The following ATP11B variants were observed in gnomAD, a reference collection of about 807,000 sequenced individuals.
The protein encoded by ATP11B is ATPase phospholipid transporting 11B (putative), also known as phospholipid-transporting ATPase IF.
A neutral mutation model predicts 157.8 loss-of-function variants in ATP11B; 81 were observed. The ratio of observed to expected loss-of-function variants is 0.51; its 90% CI spans 0.43 to 0.62. ATP11B has a LOEUF of 0.62. ATP11B is among the 20% of genes least tolerant of loss of function. The pLI is 0.00. For missense variants in ATP11B, 1,165 were observed against 1,402.2 expected (o/e 0.83, Z 2.70); for synonymous variants, 451 against 469.4 (o/e 0.96, Z 0.51).
chr3:182,796,519 C>A (rs1320091106), intron 1 of ATP11B, among the ~76,000 whole-genome samples: 1 of 152,158 alleles, frequency 6.6e-6, no homozygotes, highest in Non-Finnish European at 1.5e-5. Context: ...CTGCCATTGG[C>A]TGCCATATTG....
chr3:182,907,884 G>T (rs1699306052), intron 28 of ATP11B, among the ~76,000 whole-genome samples: 1 of 152,240 alleles, frequency 6.6e-6, no homozygotes, highest in East Asian at 1.9e-4. Context: ...CTGAGAATTG[G>T]GTTCTTAGAA....
rs912996472 is a variant in ATP11B, at chr3:182,855,602, G to C, written c.852-2276G>C. On this transcript the variant is annotated intron_variant, in intron 10 of 29. Coordinates refer to ENST00000323116, the MANE Select transcript of ATP11B (RefSeq NM_014616.3). ...AGGATGAAAAGACAAGCTACAGACTGGGGAAAAATACTTGCAAACCACAAA... is the reference window on the plus strand; with the variant it reads ...AGGATGAAAAGACAAGCTACAGACTCGGGAAAAATACTTGCAAACCACAAA... Among the ~76,000 whole-genome samples, 6 of 152,216 alleles carry C rather than the reference G, an allele frequency of 3.9e-5. 1 individual carries two copies. Among genetic ancestry groups the C allele is most frequent in the Admixed American group, 6.5e-5 (1 of 15,278 alleles).
In ATP11B at chr3:182,866,334, C is replaced by G; in HGVS notation, c.1510C>G (p.Gln504Glu). The G allele has an allele frequency of 2.5e-6, 4 of 1,613,794 alleles. No individual in the cohort carries two copies. The highest frequency in any genetic ancestry group is 3.4e-6 in the Non-Finnish European group (4 of 1,179,778). ...LCHTVQISNVQTDCTGDGPWQ... is the reference protein window; with the variant it reads ...LCHTVQISNVETDCTGDGPWQ... Reference sequence around the variant, plus strand: ...TCACACTGTACAGATTAGCAATGTTCAAACTGACTGCACTGGTGATGGTCC... The same window carrying G: ...TCACACTGTACAGATTAGCAATGTTGAAACTGACTGCACTGGTGATGGTCC... Residue 504 changes from glutamine (Q) to glutamate (E), a missense_variant, in exon 14 of 30, where the codon CAA becomes GAA. Transcript: ENST00000323116.
intron 12 of ATP11B, among the ~76,000 whole-genome samples, chr3:182,861,240 T>G (rs901950250): frequency 1.3e-4 from 19 of 151,996 alleles, no homozygotes; most frequent in Admixed American, 9.2e-4. Context: ...TAATTTTGTA[T>G]TTTTAGTAGA....
Position 182,866,321 on chromosome 3 carries a change from G to T in ATP11B, c.1497G>T (p.Gln499His). 1 of 1,613,790 alleles carries T rather than the reference G, an allele frequency of 6.2e-7. No individual in the cohort carries two copies. Among genetic ancestry groups the T allele is most frequent in the Non-Finnish European group, 8.5e-7 (1 of 1,179,786 alleles). ...CAGTCAGTCTCTGTCACACTGTACA[G>T]ATTAGCAATGTTCAAACTGACTGCA... ...FKAVSLCHTV[Q>H]ISNVQTDCTG... Residue 499 changes from glutamine (Q) to histidine (H), a missense_variant, in exon 14 of 30, where the codon CAG (glutamine) becomes CAT (histidine). Around this residue, in one of 4 missense-constraint regions of ATP11B, gnomAD observed 737 missense variants for 930.5 expected, o/e 0.79. Transcript: ENST00000323116.
chr3:182,840,183 T>G (rs1023348508), intron 7 of ATP11B, among the ~76,000 whole-genome samples: 4 of 152,222 alleles, frequency 2.6e-5, no homozygotes, highest in African/African-American at 9.6e-5. Flanking sequence ...AGTGGTTGAA[T>G]AGTTCATTGC....
At chr3:182,853,765 A>G (rs928511141) in intron 10 of ATP11B, among the ~76,000 whole-genome samples, 5 of 152,192 alleles carry the variant, frequency 3.3e-5, no homozygotes, top group Admixed American at 6.5e-5. Flanking sequence ...AATCACAGCA[A>G]TCTTTTTGTA....
chr3:182,845,009 T>TTTTTTTTA lies in ATP11B; in HGVS notation c.705-443_705-442insTATTTTTT, dbSNP rs1560081876. Among the ~76,000 whole-genome samples, 26 of 112,076 alleles carry TTTTTTTTA rather than the reference T, an allele frequency of 2.3e-4. 1 individual carries two copies. The highest frequency in any genetic ancestry group is 8.2e-4 in the South Asian group (3 of 3,650). 73.5% of individuals were successfully genotyped at this position (112,076 alleles called of 152,430 possible). On this transcript the variant is annotated intron_variant, in intron 8 of 29. Coordinates refer to ENST00000323116, the MANE Select transcript of ATP11B (RefSeq NM_014616.3). ...TTTTTTTTTTATTTTTTTTTTTATT[T>TTTTTTTTA]TTTTTTATTTTTGAGATGGAGTCTC... is the stretch of plus-strand genomic sequence containing the variant.
intron 12 of ATP11B, among the ~76,000 whole-genome samples, chr3:182,861,065 CTT>C (rs35183352): frequency 1.5e-4 from 21 of 137,394 alleles, no homozygotes; most frequent in African/African-American, 4.3e-4. Context: ...AACAATAATA[CTT>C]TTTTTTTTTT....
At position 182,869,194 on chromosome 3, in the gene ATP11B, TAA is replaced by T. The variant is rs751709840; in HGVS notation, c.1763-33_1763-32del. Reference sequence around the variant, plus strand: ...TCATGAATTTTTATTTATGTAATATTAAGAGTCTGATAACTCATTTTTTTTGT... The same window carrying T: ...TCATGAATTTTTATTTATGTAATATTGAGTCTGATAACTCATTTTTTTTGT... On this transcript the variant is annotated intron_variant, in intron 16 of 29. Coordinates refer to ENST00000323116, the MANE Select transcript of ATP11B (RefSeq NM_014616.3). 9 of 1,597,250 alleles carry T rather than the reference TAA, an allele frequency of 5.6e-6. No homozygotes were observed. The African/African-American group carries it at 1.2e-4, about 21-fold the overall frequency.
At chr3:182,813,666 A>G (rs1716803309) in intron 1 of ATP11B, among the ~76,000 whole-genome samples, 1 of 152,168 alleles carries the variant, frequency 6.6e-6, no homozygotes, top group Non-Finnish European at 1.5e-5. Flanking sequence ...AATTTTTTCC[A>G]TTTCCAAATT....
At position 182,896,716 on chromosome 3, in the gene ATP11B, CA is replaced by C; in HGVS notation, c.3000del (p.Phe1001LeufsTer15). ...TCTGTTTAGATGTTTGGAAACTGGA[CA>C]TTTGGCACTTTGGTCTTCACAGTCA... The part of the protein sequence containing the change: ...LGNGQMFGNW[T>X]FGTLVFTVMV... On this transcript the variant is annotated frameshift_variant, in exon 26 of 30. Coordinates refer to ENST00000323116, the MANE Select transcript of ATP11B (RefSeq NM_014616.3). LOFTEE classifies it high-confidence loss of function. 6.2e-7 allele frequency: 1 copy of C among 1,612,736 alleles called. No homozygotes were observed. The highest frequency in any genetic ancestry group is 8.5e-7 in the Non-Finnish European group (1 of 1,179,012).
chr3:182,858,104 T>C, intron 11 of ATP11B, 76 bp downstream of exon 11: 1 of 1,325,114 alleles, frequency 7.5e-7, no homozygotes, highest in South Asian at 1.5e-5. Context: ...TAGTGACTTC[T>C]GATTGGAGAG....
chr3:182,884,181 TA>T (rs1345712869), intron 21 of ATP11B, among the ~76,000 whole-genome samples: 1 of 152,112 alleles, frequency 6.6e-6, no homozygotes, highest in Non-Finnish European at 1.5e-5. Context: ...TTGTAACCAT[TA>T]AAAAAGTATT....
In ATP11B at chr3:182,844,729, C is replaced by T. The variant is rs531795301; in HGVS notation, c.705-729C>T. On this transcript the variant is annotated intron_variant, in intron 8 of 29. Transcript: ENST00000323116. ...CAAATCATACTATAGTTTATGTTTA[C>T]GTTGTGTTCTAATTCTTTATTTTCC... The T allele has an allele frequency of 6.0e-4, 104 of 173,640 alleles. No individual in the cohort carries two copies. In the South Asian group the frequency reaches 0.014, roughly 23 times the overall value. 10.8% of individuals were successfully genotyped at this position (173,640 alleles called of 1,614,324 possible).
At chr3:182,802,986 C>G (rs1445115064) in intron 1 of ATP11B, among the ~76,000 whole-genome samples, 1 of 152,110 alleles carries the variant, frequency 6.6e-6, no homozygotes, top group African/African-American at 2.4e-5. Context: ...CTGCCCCAGC[C>G]AATCTTATGG....
chr3:182,799,372 G>C (rs1467401405), intron 1 of ATP11B, among the ~76,000 whole-genome samples: 1 of 151,868 alleles, frequency 6.6e-6, no homozygotes, highest in African/African-American at 2.4e-5. Context: ...CGCCTCCTGG[G>C]TTCCCACCAT....
intron 9 of ATP11B, among the ~76,000 whole-genome samples, chr3:182,846,427 A>G (rs980412073): frequency 2.0e-5 from 3 of 152,180 alleles, no homozygotes; most frequent in East Asian, 3.8e-4. Context: ...CAGTTCTTCA[A>G]TAAGTTAAAT....
At chr3:182,891,285 T>C (rs1475012445) in intron 25 of ATP11B, among the ~76,000 whole-genome samples, 1 of 152,190 alleles carries the variant, frequency 6.6e-6, no homozygotes, top group African/African-American at 2.4e-5. Context: ...AGATCTTGTA[T>C]TGCTAGTCAC....
Sources: allele counts gnomAD v4.1 joint callset (sites outside exome capture counted in the v4.1 genomes callset), GRCh38; gene constraint gnomAD v4.1.1; regional missense constraint gnomAD v4.1.1; transcripts MANE v1.5; gene names NCBI Gene and HGNC (gene_info 2026-07-23, HGNC 2026-07-21).